The following ACACA variants were observed in gnomAD, a reference collection of about 807,000 sequenced individuals.
ACACA encodes the protein acetyl-CoA carboxylase 1.
A neutral mutation model predicts 296.1 loss-of-function variants in ACACA; 103 were observed. That is an observed-to-expected ratio of 0.35 (90% CI 0.30 to 0.41). The LOEUF (loss-of-function observed/expected upper bound fraction) is 0.41, where lower values mean the gene tolerates loss of function less well. Ranked by LOEUF, ACACA falls within the 10% of genes least tolerant of loss-of-function variation. The pLI, the probability that ACACA is intolerant of heterozygous loss-of-function variation, is 1.00. For synonymous variants in ACACA, 953 were observed against 1,038.6 expected (o/e 0.92, Z 1.58); for missense variants, 1,554 against 2,989.7 (o/e 0.52, Z 11.20).
intron 1 of ACACA, among the ~76,000 whole-genome samples, chr17:37,390,330 A>ATATATCTATATATC (rs1386032855): frequency 0.13 from 5,593 of 41,590 alleles, 885 homozygotes; most frequent in East Asian, 0.42. Flanking sequence ...ATATATATAT[A>ATATATCTATATATC]TATAAAAGGC....
intron 41 of ACACA, among the ~76,000 whole-genome samples, chr17:37,163,856 C>T (rs1379780867): frequency 6.6e-6 from 1 of 152,182 alleles, no homozygotes; most frequent in African/African-American, 2.4e-5. Flanking sequence ...TGACATGTCT[C>T]TTCCCAAACT....
chr17:37,103,959 G>A (rs958898039), intron 52 of ACACA, among the ~76,000 whole-genome samples: 2 of 152,168 alleles, frequency 1.3e-5, no homozygotes, highest in Admixed American at 6.5e-5. Context: ...CAGGAGGATC[G>A]CTGGAGCCCA....
intron 1 of ACACA, among the ~76,000 whole-genome samples, chr17:37,364,904 C>T (rs2049552278): frequency 6.6e-6 from 1 of 152,186 alleles, no homozygotes. Flanking sequence ...CAAGATTTCT[C>T]TTACTTCTCC....
intron 1 of ACACA, among the ~76,000 whole-genome samples, chr17:37,374,999 C>G (rs968377408): frequency 2.7e-5 from 4 of 150,914 alleles, no homozygotes; most frequent in Admixed American, 1.3e-4. Context: ...AGTTCGAGAC[C>G]AGCCTGGCCA....
At chr17:37,224,902 T>A (rs1449204612) in intron 27 of ACACA, 90 bp downstream of exon 27, 3 of 525,352 alleles carry the variant, frequency 5.7e-6, no homozygotes, top group Admixed American at 7.3e-5. Context: ...ATTAATTAAG[T>A]GACTAATTAC....
chr17:37,196,844 C>T (rs1353919143), intron 35 of ACACA, among the ~76,000 whole-genome samples: 3 of 151,926 alleles, frequency 2.0e-5, no homozygotes, highest in Admixed American at 6.6e-5. Flanking sequence ...ACATCTTGTC[C>T]ATTTTTTTCT....
intron 3 of ACACA, among the ~76,000 whole-genome samples, chr17:37,327,710 T>C (rs752468412): frequency 1.3e-5 from 2 of 152,238 alleles, no homozygotes; most frequent in Non-Finnish European, 2.9e-5. Flanking sequence ...AGACTCAAAC[T>C]GGACAGATTT....
chr17:37,270,867 AAAAG>A lies in ACACA; in HGVS notation c.1009-10_1009-7del. The A allele has an allele frequency of 1.2e-6, 2 of 1,605,722 alleles. No individual in the cohort carries two copies. Among genetic ancestry groups the A allele is most frequent in the Non-Finnish European group, 1.7e-6 (2 of 1,172,804 alleles). On this transcript the variant is annotated splice_polypyrimidine_tract_variant and splice_region_variant and intron_variant, in intron 9 of 55. Coordinates refer to ENST00000616317, the MANE Select transcript of ACACA (RefSeq NM_198834.3). ...TATCCAACTTCCTCAGCTGCCTTCA[AAAAG>A]AAAGAAAAAAAAAATAGAAGAAACA...
intron 41 of ACACA, among the ~76,000 whole-genome samples, chr17:37,174,674 A>C (rs2077041683): frequency 6.6e-6 from 1 of 151,942 alleles, no homozygotes; most frequent in African/African-American, 2.4e-5. Flanking sequence ...CTGGGACTAC[A>C]GGCACCCGCC....
chr17:37,194,939 C>CCA (rs1478758659), intron 35 of ACACA, among the ~76,000 whole-genome samples: 4 of 151,764 alleles, frequency 2.6e-5, no homozygotes, highest in African/African-American at 9.7e-5. Context: ...TGACACCCCC[C>CCA]CCACCCGTTA....
chr17:37,287,590 A>C lies in ACACA; in HGVS notation c.339-2620T>G, dbSNP rs942874733. 7.8e-3 allele frequency among the ~76,000 whole-genome samples: 1,119 copies of C among 144,214 alleles called. 29 individuals are homozygous for C. Among genetic ancestry groups the C allele is most frequent in the African/African-American group, 0.024 (918 of 38,200 alleles). The allele number at this position is 144,214 out of a possible 152,430, so 94.6% of individuals were successfully genotyped here. A position where few individuals can be genotyped will look rare whatever the true frequency, so the allele number is the denominator to read the frequency against. The stretch of plus-strand genomic sequence containing the variant: ...CTACTAAAAAAAAAAAAAAAAAAAA[A>C]CAAATATCCAGGCATGGTGGTGCAC... On this transcript the variant is annotated intron_variant, in intron 3 of 55. Transcript: ENST00000616317.
At chr17:37,096,546 C>T (rs2073004448) in intron 54 of ACACA, among the ~76,000 whole-genome samples, 1 of 152,206 alleles carries the variant, frequency 6.6e-6, no homozygotes, top group Admixed American at 6.5e-5. Flanking sequence ...GCTTCTTAGA[C>T]TCTCCTCCAT....
chr17:37,330,058 T>C (rs2047802532), intron 3 of ACACA, 115 bp downstream of exon 3: 1 of 1,320,602 alleles, frequency 7.6e-7, no homozygotes, highest in Non-Finnish European at 1.1e-6. Context: ...TTGAGTTCAG[T>C]GACATAGGAA....
intron 33 of ACACA, among the ~76,000 whole-genome samples, chr17:37,201,672 T>C (rs1267303127): frequency 1.3e-5 from 2 of 152,092 alleles, no homozygotes; most frequent in Admixed American, 6.6e-5. Context: ...TGAGAAAACA[T>C]ATGAATAGTA....
chr17:37,396,903 T>G (rs2051100243), intron 1 of ACACA, among the ~76,000 whole-genome samples: 1 of 152,246 alleles, frequency 6.6e-6, no homozygotes, highest in Admixed American at 6.6e-5. Flanking sequence ...GTAGTAGTAT[T>G]ATACTTTAAA....
chr17:37,205,680 A>G, intron 33 of ACACA, 85 bp downstream of exon 33: 1 of 1,083,400 alleles, frequency 9.2e-7, no homozygotes, highest in Middle Eastern at 2.0e-4. Context: ...ACATAGCCAT[A>G]AACTAGCAAC....
At chr17:37,218,494 T>A (rs1411107123) in intron 29 of ACACA, among the ~76,000 whole-genome samples, 1 of 152,250 alleles carries the variant, frequency 6.6e-6, no homozygotes, top group African/African-American at 2.4e-5. Context: ...GTATTATATT[T>A]CTATTTGACA....
At chr17:37,330,774 T>C (rs1216744621) in intron 2 of ACACA, among the ~76,000 whole-genome samples, 1 of 152,194 alleles carries the variant, frequency 6.6e-6, no homozygotes, top group South Asian at 2.1e-4. Flanking sequence ...TGTTGTGATA[T>C]TGATATTTTG....
intron 41 of ACACA, among the ~76,000 whole-genome samples, chr17:37,177,190 C>T (rs1217517929): frequency 6.6e-6 from 1 of 151,228 alleles, no homozygotes; most frequent in Non-Finnish European, 1.5e-5. Context: ...TCCTATGCAA[C>T]TGTTTAAGAC....
Sources: gnomAD v4.1 joint callset for allele counts (sites outside exome capture counted in the v4.1 genomes callset) on GRCh38, gnomAD v4.1.1 for gene constraint, MANE v1.5 for transcripts, NCBI Gene and HGNC (gene_info 2026-07-23, HGNC 2026-07-21) for gene names.